The following MCCC2 variants were observed in gnomAD, a reference collection of about 807,000 sequenced individuals.
MCCC2 encodes methylcrotonoyl-CoA carboxylase beta chain, mitochondrial.
A neutral mutation model predicts 77.2 loss-of-function variants in MCCC2; 52 were observed. The observed-to-expected ratio is 0.67, with a 90% CI of 0.54 to 0.85. MCCC2 has a LOEUF of 0.85. MCCC2 is among the 40% of genes least tolerant of loss of function. MCCC2 has a pLI of 0.00. For missense variants in MCCC2, 682 were observed against 703.2 expected (o/e 0.97, Z 0.34); for synonymous variants, 253 against 248.4 (o/e 1.02, Z -0.18).
At chr5:71,612,512 T>G (rs1745996049) in intron 6 of MCCC2, among the ~76,000 whole-genome samples, 1 of 152,212 alleles carries the variant, frequency 6.6e-6, no homozygotes, top group Non-Finnish European at 1.5e-5. Context: ...GGTCTCCATT[T>G]AATCTGGTAT....
At position 71,652,765 on chromosome 5, in the gene MCCC2, G is replaced by C. The variant is rs1561849331; in HGVS notation, c.1574+11G>C. On this transcript the variant is annotated intron_variant, in intron 16 of 16. Coordinates refer to ENST00000340941, the MANE Select transcript of MCCC2 (RefSeq NM_022132.5). ...CTATTCCAGCGCAAGGTGGGGGCCA[G>C]AACATCACTAACTCTCTGATGGGTG... 5 of 1,611,988 alleles carry C rather than the reference G, an allele frequency of 3.1e-6. No homozygotes were observed. Among genetic ancestry groups the C allele is most frequent in the Non-Finnish European group, 4.2e-6 (5 of 1,178,102 alleles).
intron 6 of MCCC2, among the ~76,000 whole-genome samples, chr5:71,612,906 C>G (rs1746013268): frequency 6.6e-6 from 1 of 152,196 alleles, no homozygotes; most frequent in Non-Finnish European, 1.5e-5. Flanking sequence ...CTGTGAAGTT[C>G]TGGAAGCCAT....
intron 6 of MCCC2, among the ~76,000 whole-genome samples, chr5:71,617,710 C>T (rs532617576): frequency 3.9e-5 from 6 of 152,268 alleles, no homozygotes; most frequent in Non-Finnish European, 5.9e-5. Flanking sequence ...ATAGTAAGCA[C>T]CAGCTTCCTT....
chr5:71,603,240 G>A (rs1027774706), intron 5 of MCCC2, among the ~76,000 whole-genome samples: 7 of 151,452 alleles, frequency 4.6e-5, no homozygotes, highest in African/African-American at 1.5e-4. Context: ...CTGAAACCTC[G>A]TCTCTACTAA....
intron 6 of MCCC2, among the ~76,000 whole-genome samples, chr5:71,605,348 T>C (rs1395293582): frequency 6.6e-6 from 1 of 151,538 alleles, no homozygotes; most frequent in Non-Finnish European, 1.5e-5. Context: ...ACGAGCATTT[T>C]TTCATGTGTT....
rs746308418 is a variant in MCCC2, at chr5:71,643,937, T to A, written c.1149+42T>A. On this transcript the variant is annotated intron_variant, in intron 12 of 16. Coordinates refer to ENST00000340941, the MANE Select transcript of MCCC2 (RefSeq NM_022132.5). Reference sequence around the variant, plus strand: ...ATATTTCAAGATTTTCTGTTTTAATTTAACATAACGTTGAAGGTCAAATAA... The same window carrying A: ...ATATTTCAAGATTTTCTGTTTTAATATAACATAACGTTGAAGGTCAAATAA... 9 of 1,611,932 alleles carry A rather than the reference T, an allele frequency of 5.6e-6. No homozygotes were observed. The East Asian group carries it at 1.8e-4, about 32-fold the overall frequency.
intron 10 of MCCC2, chr5:71,635,599 G>T: frequency 2.8e-6 from 1 of 357,312 alleles, no homozygotes; most frequent in Non-Finnish European, 5.4e-6. Context: ...TTGGGAAATG[G>T]GTGAAATGTC....
At position 71,656,855 on chromosome 5, in the gene MCCC2, A is replaced by T; in HGVS notation, c.1687A>T (p.Met563Leu). Reference sequence around the variant, plus strand: ...GAAGACTGACTTCGGTATCTTCAGGATGTAACTGGAATAAAGGATGTTTTC... The same window carrying T: ...GAAGACTGACTTCGGTATCTTCAGGTTGTAACTGGAATAAAGGATGTTTTC... ...IEKTDFGIFR[M>L] The change falls in exon 17 of 17, where the codon ATG becomes TTG. Residue 563 changes from methionine to leucine, a missense_variant. Transcript: ENST00000340941. 7 of 1,610,236 alleles carry T rather than the reference A, an allele frequency of 4.3e-6. No homozygotes were observed. The highest frequency in any genetic ancestry group is 6.0e-6 in the Non-Finnish European group (7 of 1,176,464).
At chr5:71,622,084 C>A (rs1037948684) in intron 6 of MCCC2, among the ~76,000 whole-genome samples, 2 of 152,022 alleles carry the variant, frequency 1.3e-5, no homozygotes, top group Admixed American at 6.6e-5. Flanking sequence ...GAGTTCAGGA[C>A]CTGCCTGGGC....
intron 16 of MCCC2, among the ~76,000 whole-genome samples, chr5:71,655,153 C>T (rs970836833): frequency 6.6e-6 from 1 of 152,114 alleles, no homozygotes; most frequent in African/African-American, 2.4e-5. Flanking sequence ...GATGTTTAAC[C>T]CTTCTGTTGA....
At chr5:71,649,026 C>T in intron 13 of MCCC2, 71 bp from the exon 14 acceptor site, 7 of 1,552,516 alleles carry the variant, frequency 4.5e-6, no homozygotes, top group Non-Finnish European at 6.2e-6. Flanking sequence ...AACAAGATGT[C>T]CTTTTGGTGG....
chr5:71,634,700 G>A (rs564303941), intron 8 of MCCC2, among the ~76,000 whole-genome samples: 1 of 152,260 alleles, frequency 6.6e-6, no homozygotes, highest in Non-Finnish European at 1.5e-5. Context: ...TGTGGTCTTA[G>A]GTGAAGGTAC....
rs1469020098 is a variant in MCCC2, at chr5:71,587,565, C to G, written c.129+11C>G. 4 of 1,533,022 alleles carry G rather than the reference C, an allele frequency of 2.6e-6. No individual in the cohort carries two copies. In the African/African-American group the frequency reaches 5.5e-5, roughly 21 times the overall value. 95.0% of individuals were successfully genotyped at this position (1,533,022 alleles called of 1,614,324 possible). A position where few individuals can be genotyped will look rare whatever the true frequency, so the allele number is the denominator to read the frequency against. On this transcript the variant is annotated intron_variant, in intron 1 of 16. Coordinates refer to ENST00000340941, the MANE Select transcript of MCCC2 (RefSeq NM_022132.5). Reference sequence around the variant, plus strand: ...TCTGCCCTCTACCAGGTAGGCTGAGCGCCCCGGTGGCCTGGCCGCCGGTGC... The same window carrying G: ...TCTGCCCTCTACCAGGTAGGCTGAGGGCCCCGGTGGCCTGGCCGCCGGTGC...
chr5:71,632,820 G>C (rs1389457413), intron 8 of MCCC2, among the ~76,000 whole-genome samples: 1 of 152,044 alleles, frequency 6.6e-6, no homozygotes, highest in Non-Finnish European at 1.5e-5. Context: ...AGCTGGCTTC[G>C]TCACATTGTT....
chr5:71,637,761 C>G (rs960087358), intron 10 of MCCC2, among the ~76,000 whole-genome samples: 1 of 152,108 alleles, frequency 6.6e-6, no homozygotes, highest in Non-Finnish European at 1.5e-5. Context: ...CTCTGTCACC[C>G]AGGCTGGAGT....
chr5:71,647,193 C>A lies in MCCC2; in HGVS notation c.1216+916C>A, dbSNP rs1182249492. ...CCTCCCCCATCCCAGGCTACCTCAG[C>A]TTCAAAGGAAGGAGAGGCTCTTAGT... On this transcript the variant is annotated intron_variant, in intron 13 of 16. Transcript: ENST00000340941. Among the ~76,000 whole-genome samples the A allele has an allele frequency of 3.9e-5, 6 of 152,286 alleles. No homozygotes were observed. In the East Asian group the frequency reaches 1.2e-3, roughly 29 times the overall value.
intron 11 of MCCC2, 94 bp downstream of exon 11, chr5:71,641,169 C>G (rs1747112547): frequency 8.7e-7 from 1 of 1,153,596 alleles, no homozygotes; most frequent in Non-Finnish European, 1.3e-6. Context: ...TTGACATGGG[C>G]TTTGTTGTTG....
intron 13 of MCCC2, 125 bp from the exon 14 acceptor site, chr5:71,648,972 C>T (rs996697197): frequency 6.3e-6 from 7 of 1,117,970 alleles, no homozygotes; most frequent in African/African-American, 4.6e-5. Context: ...CACATATAAA[C>T]ATTTTCTTAA....
At position 71,643,659 on chromosome 5, in the gene MCCC2, A is replaced by C; in HGVS notation, c.1073-160A>C. 4.2e-6 allele frequency: 6 copies of C among 1,418,400 alleles called. No homozygotes were observed. In the South Asian group the frequency reaches 7.3e-5, roughly 17 times the overall value. The allele number at this position is 1,418,400 out of a possible 1,614,324, so 87.9% of individuals were successfully genotyped here. On this transcript the variant is annotated intron_variant, in intron 11 of 16. Coordinates refer to ENST00000340941, the MANE Select transcript of MCCC2 (RefSeq NM_022132.5). Reference sequence around the variant, plus strand: ...AACCAGAGTCTAGGACCTTAGGAACAAGAAGATTGTGACATGAGCTGTTTT... The same window carrying C: ...AACCAGAGTCTAGGACCTTAGGAACCAGAAGATTGTGACATGAGCTGTTTT...
Sources: allele counts gnomAD v4.1 joint callset (sites outside exome capture counted in the v4.1 genomes callset), GRCh38; gene constraint gnomAD v4.1.1; transcripts MANE v1.5; gene names NCBI Gene and HGNC (gene_info 2026-07-23, HGNC 2026-07-21).